The following NSRP1 variants were observed in gnomAD, a reference collection of about 807,000 sequenced individuals.
NSRP1 encodes the protein nuclear speckle splicing regulatory protein 1, also known as coiled-coil domain containing 55.
A neutral mutation model predicts 54.7 loss-of-function variants in NSRP1; 24 were observed. That is an observed-to-expected ratio of 0.44 (90% confidence interval 0.32 to 0.62). The LOEUF (loss-of-function observed/expected upper bound fraction) is 0.62, where lower values mean the gene tolerates loss of function less well. Among genes scored for constraint, NSRP1 ranks in the 20% least tolerant of loss-of-function variants. The pLI, the probability that NSRP1 is intolerant of heterozygous loss-of-function variation, is 0.06. For missense variants in NSRP1, 596 were observed against 651.2 expected (o/e 0.92, Z 0.92); for synonymous variants, 210 against 213.8 (o/e 0.98, Z 0.15).
intron 6 of NSRP1, among the ~76,000 whole-genome samples, chr17:30,181,607 T>G (rs1023025240): frequency 7.3e-5 from 11 of 149,820 alleles, no homozygotes; most frequent in East Asian, 1.9e-4. Flanking sequence ...GTTTTTTTTT[T>G]TTGTTTTTTT....
chr17:30,157,385 T>C (rs1249185843), intron 2 of NSRP1, among the ~76,000 whole-genome samples: 3 of 152,222 alleles, frequency 2.0e-5, no homozygotes, highest in Non-Finnish European at 4.4e-5. Flanking sequence ...GCAAAGAATA[T>C]GTAATGATCA....
At chr17:30,129,957 T>C (rs1222408757) in intron 2 of NSRP1, among the ~76,000 whole-genome samples, 1 of 152,216 alleles carries the variant, frequency 6.6e-6, no homozygotes, top group African/African-American at 2.4e-5. Context: ...TTTTGCAATT[T>C]GCTAAAATTT....
intron 2 of NSRP1, among the ~76,000 whole-genome samples, chr17:30,138,923 T>G (rs12150642): frequency 1.6e-4 from 21 of 131,330 alleles, no homozygotes; most frequent in Middle Eastern, 4.1e-3. Flanking sequence ...TTTTTTTTTT[T>G]TTTTTTTTTT....
intron 2 of NSRP1, among the ~76,000 whole-genome samples, chr17:30,158,156 T>TA (rs1474211573): frequency 2.6e-5 from 4 of 152,168 alleles, no homozygotes; most frequent in Non-Finnish European, 4.4e-5. Context: ...TTTTTAATAA[T>TA]AGAGGTTCCA....
intron 2 of NSRP1, among the ~76,000 whole-genome samples, chr17:30,135,328 G>T (rs1200080421): frequency 6.7e-6 from 1 of 149,370 alleles, no homozygotes; most frequent in African/African-American, 2.5e-5. Flanking sequence ...TCACCATGTT[G>T]GCCCAGGCTG....
intron 2 of NSRP1, among the ~76,000 whole-genome samples, chr17:30,138,910 T>C (rs975503423): frequency 1.7e-5 from 1 of 59,776 alleles, no homozygotes; most frequent in Non-Finnish European, 3.4e-5. Context: ...AGTCTTAGCG[T>C]TTTTTTTTTT....
At chr17:30,178,012 AC>A in intron 3 of NSRP1, 58 bp from the exon 4 acceptor site, 3 of 1,538,976 alleles carry the variant, frequency 1.9e-6, no homozygotes, top group Non-Finnish European at 2.7e-6. Context: ...AAAAGCATAG[AC>A]TTTGTTGTAT....
intron 2 of NSRP1, chr17:30,122,349 T>TGTGTGTATATATATATATATA (rs1481107161): frequency 1.4e-5 from 1 of 72,306 alleles, no homozygotes; most frequent in African/African-American, 5.7e-5. Flanking sequence ...ATAACTCTGG[T>TGTGTGTATATATATATATATA]TTCATATATA....
rs9892087 is a variant in NSRP1 at position 30,117,832 on chromosome 17, C to A, written c.21-248C>A. On this transcript the variant is annotated intron_variant, in intron 1 of 6. Transcript: ENST00000247026. ...ACATTTCTGAACTTTTCATTTACTT[C>A]TCTTCTTTGATAAAAATGGTATTCG... 2.3e-3 allele frequency: 712 copies of A among 312,516 alleles called. 5 individuals are homozygous for A. The highest frequency in any genetic ancestry group is 0.015 in the African/African-American group (655 of 44,370). The allele number at this position is 312,516 out of a possible 1,614,324, so 19.4% of individuals were successfully genotyped here.
intron 2 of NSRP1, among the ~76,000 whole-genome samples, chr17:30,126,543 A>G (rs2071651148): frequency 6.6e-6 from 1 of 152,166 alleles, no homozygotes; most frequent in South Asian, 2.1e-4. Flanking sequence ...TCACTGTACT[A>G]GATAAAGTAT....
intron 2 of NSRP1, among the ~76,000 whole-genome samples, chr17:30,147,129 TTTC>T (rs2071863280): frequency 8.9e-6 from 1 of 111,874 alleles, no homozygotes; most frequent in Non-Finnish European, 1.9e-5. Context: ...TTTCTTTTCT[TTTC>T]TTTTTTTTTT....
intron 2 of NSRP1, among the ~76,000 whole-genome samples, chr17:30,169,412 A>T (rs7222685): frequency 0.41 from 62,576 of 151,854 alleles, 14,369 homozygotes; most frequent in East Asian, 0.82. Flanking sequence ...TGGAGATGTA[A>T]TCTTCTCAGT....
chr17:30,130,285 GAC>G (rs1356141528), intron 2 of NSRP1, among the ~76,000 whole-genome samples: 1 of 151,734 alleles, frequency 6.6e-6, no homozygotes, highest in Non-Finnish European at 1.5e-5. Flanking sequence ...TTTTTGTTGA[GAC>G]AGAGTCTCAC....
At chr17:30,178,677 C>A (rs1379931370) in intron 4 of NSRP1, among the ~76,000 whole-genome samples, 1 of 152,060 alleles carries the variant, frequency 6.6e-6, no homozygotes, top group African/African-American at 2.4e-5. Context: ...CAAGCACAGG[C>A]TGATTTTTAA....
At chr17:30,120,872 C>T (rs182098754) in intron 2 of NSRP1, among the ~76,000 whole-genome samples, 1 of 152,178 alleles carries the variant, frequency 6.6e-6, no homozygotes, top group Non-Finnish European at 1.5e-5. Flanking sequence ...TTAACAGTAG[C>T]GTTACAGAAT....
chr17:30,132,327 C>T (rs192084209), intron 2 of NSRP1, among the ~76,000 whole-genome samples: 40 of 149,298 alleles, frequency 2.7e-4, no homozygotes, highest in African/African-American at 9.2e-4. Flanking sequence ...CTGAAGTAGG[C>T]GAATCACCTG....
intron 2 of NSRP1, among the ~76,000 whole-genome samples, chr17:30,146,473 C>T (rs1459945276): frequency 6.6e-6 from 1 of 152,290 alleles, no homozygotes; most frequent in East Asian, 1.9e-4. Flanking sequence ...AAGTAGTCCT[C>T]CCACATTGGC....
At chr17:30,130,921 A>G (rs2071693886) in intron 2 of NSRP1, among the ~76,000 whole-genome samples, 1 of 152,202 alleles carries the variant, frequency 6.6e-6, no homozygotes. Flanking sequence ...ACAGATATTT[A>G]TTGATCACTT....
At chr17:30,136,175 A>G (rs973056145) in intron 2 of NSRP1, among the ~76,000 whole-genome samples, 4 of 152,214 alleles carry the variant, frequency 2.6e-5, no homozygotes, top group Non-Finnish European at 5.9e-5. Context: ...AATTAAAAAC[A>G]AAAAACAAAA....
Sources: allele counts gnomAD v4.1 joint callset (sites outside exome capture counted in the v4.1 genomes callset), GRCh38; gene constraint gnomAD v4.1.1; transcripts MANE v1.5; gene names NCBI Gene and HGNC (gene_info 2026-07-23, HGNC 2026-07-21).